The following TMEM178B variants were observed in gnomAD, a reference collection of about 807,000 sequenced individuals.
The protein encoded by TMEM178B is transmembrane protein 178B.
In TMEM178B, 5 loss-of-function variants were observed where a neutral mutation model predicts 31.0. That is an observed-to-expected ratio of 0.16 (90% CI 0.08 to 0.34). The LOEUF is 0.34. Among genes scored for constraint, TMEM178B ranks in the 10% least tolerant of loss-of-function variants. The pLI is 1.00. For missense variants in TMEM178B, 275 were observed against 400.3 expected, an observed-to-expected ratio of 0.69 and a Z score of 2.67; for synonymous variants, 164 against 164.0, an observed-to-expected ratio of 1.00 and a Z score of 0.00.
At chr7:141,452,079 A>G (rs1801873671) in intron 3 of TMEM178B, among the ~76,000 whole-genome samples, 1 of 152,156 alleles carries the variant, frequency 6.6e-6, no homozygotes, top group East Asian at 1.9e-4. Context: ...CTATAAATAT[A>G]GGCTTTTGAC....
chr7:141,416,699 G>T (rs1405529020), intron 2 of TMEM178B, among the ~76,000 whole-genome samples: 1 of 152,188 alleles, frequency 6.6e-6, no homozygotes, highest in South Asian at 2.1e-4. Context: ...GGCCTCATTA[G>T]TGAGCACCTT....
At position 141,422,859 on chromosome 7, in the gene TMEM178B, G is replaced by C. The variant is rs1801239165; in HGVS notation, c.497-14749G>C. 6.6e-6 allele frequency among the ~76,000 whole-genome samples: 1 copy of C among 152,152 alleles called. No homozygotes were observed. The highest frequency in any genetic ancestry group is 6.5e-5 in the Admixed American group (1 of 15,300). ...GTTATATGTAAACTGAAGGCGGCGAGAGCACTATGAGTTGCAGAACTAGAT... is the reference window on the plus strand; with the variant it reads ...GTTATATGTAAACTGAAGGCGGCGACAGCACTATGAGTTGCAGAACTAGAT... On this transcript the variant is annotated intron_variant, in intron 2 of 3. Transcript: ENST00000565468. This position sits in a 1 kb window ranked among gnomAD's most constrained non-coding sequence, Gnocchi z 4.2.
chr7:141,505,205 T>A, the TMEM178B span, among the ~76,000 whole-genome samples: 1 of 152,130 alleles, frequency 6.6e-6, no homozygotes, highest in Admixed American at 6.5e-5. Flanking sequence ...ATAACCAAGT[T>A]ACCTCCCATT....
In TMEM178B at chr7:141,324,416, GTTTTTTTTTT is replaced by G. The variant is rs56316531; in HGVS notation, c.496+111740_496+111749del. On this transcript the variant is annotated intron_variant, in intron 2 of 3. Coordinates refer to ENST00000565468, the MANE Select transcript of TMEM178B (RefSeq NM_001195278.2). ...TGTGAGAGCAAGAGAGGAGACCAGG[GTTTTTTTTTT>G]TTTTTTTTTTTTTTTTTTTTTTTTT... 8.3e-4 allele frequency among the ~76,000 whole-genome samples: 71 copies of G among 85,774 alleles called. 1 individual carries two copies. Among genetic ancestry groups the G allele is most frequent in the South Asian group, 2.6e-3 (7 of 2,646 alleles). 56.3% of individuals were successfully genotyped at this position (85,774 alleles called of 152,430 possible).
chr7:141,498,282 CTTCCCCCATCAGAATATT>C, the TMEM178B span, among the ~76,000 whole-genome samples: 8 of 152,218 alleles, frequency 5.3e-5, no homozygotes, highest in Non-Finnish European at 1.0e-4. Context: ...AGGAAAACTC[CTTCCCCCATCAGAATATT>C]TTCCAGTTGC....
At chr7:141,082,986 T>C (rs920207640) in intron 1 of TMEM178B, among the ~76,000 whole-genome samples, 3 of 152,234 alleles carry the variant, frequency 2.0e-5, no homozygotes, top group Admixed American at 6.5e-5. Flanking sequence ...TATTCCACTT[T>C]GGATTGTCAG....
At chr7:141,095,001 A>C (rs1210553953) in intron 1 of TMEM178B, among the ~76,000 whole-genome samples, 1 of 152,236 alleles carries the variant, frequency 6.6e-6, no homozygotes, top group Non-Finnish European at 1.5e-5. Context: ...AGTATTTTCT[A>C]CATTAATATA....
chr7:141,273,231 A>C (rs1224264499), intron 2 of TMEM178B, among the ~76,000 whole-genome samples: 1 of 152,154 alleles, frequency 6.6e-6, no homozygotes, highest in Non-Finnish European at 1.5e-5. Flanking sequence ...GGAGTGGGAG[A>C]ATGGGGAGAT....
chr7:141,122,906 G>T (rs529732015), intron 1 of TMEM178B, among the ~76,000 whole-genome samples: 116 of 152,276 alleles, frequency 7.6e-4, no homozygotes, highest in Non-Finnish European at 1.5e-3. Flanking sequence ...CTGCCCACTT[G>T]CAGGCGGATC....
chr7:141,161,004 T>C (rs968939457), intron 1 of TMEM178B, among the ~76,000 whole-genome samples: 9 of 151,982 alleles, frequency 5.9e-5, no homozygotes, highest in Non-Finnish European at 1.0e-4. Flanking sequence ...ATTACAGGCA[T>C]GCACCACCAT....
chr7:141,098,056 T>G (rs1794995310), intron 1 of TMEM178B, among the ~76,000 whole-genome samples: 1 of 152,042 alleles, frequency 6.6e-6, no homozygotes, highest in Admixed American at 6.6e-5. Context: ...CCTCCCAAAG[T>G]GCTAAGATTA....
chr7:141,369,041 C>A (rs549112709), intron 2 of TMEM178B, among the ~76,000 whole-genome samples: 1 of 152,192 alleles, frequency 6.6e-6, no homozygotes, highest in South Asian at 2.1e-4. Context: ...TGCTCACCCC[C>A]CTTTCCCAGT....
chr7:141,128,419 A>G (rs1425787411), intron 1 of TMEM178B, among the ~76,000 whole-genome samples: 1 of 152,194 alleles, frequency 6.6e-6, no homozygotes, highest in Non-Finnish European at 1.5e-5. Flanking sequence ...TGGCAAGGCA[A>G]AACAGCCCCT....
rs772714983 is a variant in TMEM178B, at chr7:141,074,497, T to C, written c.187T>C (p.Leu63=). The C allele has an allele frequency of 8.0e-5, 123 of 1,535,984 alleles. No homozygotes were observed. The highest frequency in any genetic ancestry group is 5.0e-4 in the Middle Eastern group (3 of 5,988). ...PGFIYNNNNN[L]PLRASRSRLD... is the part of the protein sequence containing the mutation. ...CTTCATTTACAACAATAACAACAAC[T>C]TGCCGCTCCGGGCGAGCCGCTCGCG... is the stretch of plus-strand genomic sequence containing the variant. The change falls in exon 1 of 4, where the codon TTG becomes CTG. Residue 63 remains leucine (L), a synonymous_variant. Coordinates refer to ENST00000565468, the MANE Select transcript of TMEM178B (RefSeq NM_001195278.2). The surrounding 1 kb of genome is among the most constrained non-coding windows in gnomAD (Gnocchi z 5.1).
intron 3 of TMEM178B, among the ~76,000 whole-genome samples, chr7:141,455,280 AAGT>A (rs1801943149): frequency 6.6e-6 from 1 of 152,194 alleles, no homozygotes; most frequent in South Asian, 2.1e-4. Flanking sequence ...TAGTTCTATG[AAGT>A]AGTCAGATTT....
At position 141,373,400 on chromosome 7, in the gene TMEM178B, G is replaced by C. The variant is rs1800153604; in HGVS notation, c.497-64208G>C. The stretch of plus-strand genomic sequence containing the variant: ...AGCCACAGTTGGAAGTGTACTTGCA[G>C]AAGGTTGGGTTTCCCTGGGAAATAC... On this transcript the variant is annotated intron_variant, in intron 2 of 3. Coordinates refer to ENST00000565468, the MANE Select transcript of TMEM178B (RefSeq NM_001195278.2). 1.3e-5 allele frequency among the ~76,000 whole-genome samples: 2 copies of C among 152,228 alleles called. 1 individual carries two copies. The highest frequency in any genetic ancestry group is 4.8e-5 in the African/African-American group (2 of 41,468).
chr7:141,426,001 A>G (rs11977900), intron 2 of TMEM178B, among the ~76,000 whole-genome samples: 16,300 of 152,104 alleles, frequency 0.11, 1,002 homozygotes, highest in East Asian at 0.15. Context: ...TGCTCATTAA[A>G]CTTTATTGCT....
chr7:141,107,780 G>A (rs1462675886), intron 1 of TMEM178B, among the ~76,000 whole-genome samples: 6 of 152,164 alleles, frequency 3.9e-5, no homozygotes, highest in Admixed American at 1.3e-4. Flanking sequence ...AGTTGTCAGC[G>A]TTGATGGTAT....
intron 3 of TMEM178B, among the ~76,000 whole-genome samples, chr7:141,466,323 C>A (rs923436572): frequency 2.0e-5 from 3 of 152,202 alleles, no homozygotes; most frequent in Non-Finnish European, 4.4e-5. Flanking sequence ...TACAGCAGAA[C>A]AGCAAGATGA....
Sources: gnomAD v4.1 joint callset for allele counts (sites outside exome capture counted in the v4.1 genomes callset) on GRCh38, gnomAD v4.1.1 for gene constraint, Gnocchi (gnomAD v3.1) non-coding constraint, MANE v1.5 for transcripts, NCBI Gene and HGNC (gene_info 2026-07-23, HGNC 2026-07-21) for gene names.